The following KIAA1586 variants were observed in gnomAD, a reference collection of about 807,000 sequenced individuals.
KIAA1586 encodes the protein KIAA1586.
KIAA1586 carries 5 observed loss-of-function variants against 6.1 expected under a neutral mutation model. The observed-to-expected ratio is 0.82, with a 90% confidence interval of 0.43 to 1.73. The LOEUF (loss-of-function observed/expected upper bound fraction) is 1.73. KIAA1586 is among the 40% of genes most tolerant of loss of function. The pLI is 0.02. For missense variants in KIAA1586, 899 were observed against 878.2 expected (o/e 1.02, Z -0.30); for synonymous variants, 280 against 301.7 (o/e 0.93, Z 0.75).
Position 57,052,880 on chromosome 6 carries a change from AATAG to A in KIAA1586, c.385_388del (p.Asp129IlefsTer25). The A allele has an allele frequency of 1.2e-6, 2 of 1,613,008 alleles. No homozygotes were observed. Among genetic ancestry groups the A allele is most frequent in the Non-Finnish European group, 1.7e-6 (2 of 1,179,644 alleles). On this transcript the variant is annotated frameshift_variant, in exon 4 of 4. Transcript: ENST00000370733. LOFTEE classifies it low-confidence loss of function (END_TRUNC). ...AGCCATCACTTTCATCAAAGAAAGA[AATAG>A]ATAATCTTGTGCTTCCAGATTGTTG...
chr6:57,057,880 C>CT (rs1271744270), downstream of KIAA1586, among the ~76,000 whole-genome samples: 1 of 152,060 alleles, frequency 6.6e-6, no homozygotes, highest in Non-Finnish European at 1.5e-5. Flanking sequence ...ACTGCAACCT[C>CT]TGTTTCTAGG....
Position 57,053,216 on chromosome 6 carries a change from T to C in KIAA1586, c.717T>C (p.Asn239=). The change falls in exon 4 of 4, where the codon AAT becomes AAC. Residue 239 remains asparagine, a synonymous_variant. Coordinates refer to ENST00000370733, the MANE Select transcript of KIAA1586 (RefSeq NM_020931.4). Reference sequence around the variant, plus strand: ...TTTGTAATTTAGTGCATAAACAAAATAATAAAAATATTGATGCTACTGTAA... The same window carrying C: ...TTTGTAATTTAGTGCATAAACAAAACAATAAAAATATTGATGCTACTGTAA... ...DSICNLVHKQ[N]NKNIDATVKV... 6.3e-7 allele frequency: 1 copy of C among 1,598,912 alleles called. No homozygotes were observed.
the KIAA1586 span, among the ~76,000 whole-genome samples, chr6:57,065,804 C>T: frequency 1.3e-5 from 2 of 152,056 alleles, no homozygotes; most frequent in African/African-American, 4.8e-5. Context: ...TATGTAGTTT[C>T]TATATGATTT....
Position 57,053,542 on chromosome 6 carries a change from T to C in KIAA1586, c.1043T>C (p.Phe348Ser). 6.2e-7 allele frequency: 1 copy of C among 1,613,424 alleles called. No individual in the cohort carries two copies. The highest frequency in any genetic ancestry group is 2.2e-5 in the East Asian group (1 of 44,838). Reference protein sequence around the residue: ...IQSAPAPVMLFVALKELVSTI... With the variant: ...IQSAPAPVMLSVALKELVSTI... ...TCAGCTCCTGCACCTGTTATGTTAT[T>C]TGTGGCTTTAAAAGAATTGGTGTCA... is the stretch of plus-strand genomic sequence containing the variant. The change falls in exon 4 of 4, where the codon TTT (phenylalanine) becomes TCT (serine). Residue 348 changes from phenylalanine (F) to serine (S), a missense_variant. Physicochemically the swap from Phe to Ser is radical, Grantham distance 155. Transcript: ENST00000370733.
intron 2 of KIAA1586, among the ~76,000 whole-genome samples, chr6:57,048,028 G>A (rs1828227512): frequency 6.6e-6 from 1 of 150,740 alleles, no homozygotes; most frequent in East Asian, 1.9e-4. Flanking sequence ...GGGGGCCTAG[G>A]AATCTTCATT....
rs988550345 is a variant in KIAA1586, at chr6:57,054,717, G to A, written c.2218G>A (p.Gly740Arg). 7.7e-6 allele frequency: 12 copies of A among 1,551,336 alleles called. No homozygotes were observed. Among genetic ancestry groups the A allele is most frequent in the Admixed American group, 5.9e-5 (3 of 50,990 alleles). The change falls in exon 4 of 4, where the codon GGG becomes AGG. Residue 740 changes from glycine to arginine, a missense_variant. By Grantham distance (125) the Gly-to-Arg change is moderately radical. Coordinates refer to ENST00000370733, the MANE Select transcript of KIAA1586 (RefSeq NM_020931.4). ...VSDLMTINLL[G>R]KELADWDATP... is the part of the protein sequence containing the mutation. ...AGATTTAATGACAATAAATTTACTG[G>A]GGAAAGAATTAGCAGATTGGGATGC...
chr6:57,066,783 C>T, the KIAA1586 span, among the ~76,000 whole-genome samples: 5 of 152,130 alleles, frequency 3.3e-5, no homozygotes, highest in East Asian at 1.9e-4. Context: ...TAAGTGGCAC[C>T]TTACCTCCAT....
the KIAA1586 span, among the ~76,000 whole-genome samples, chr6:57,061,004 GTC>G: frequency 6.7e-6 from 1 of 148,576 alleles, no homozygotes; most frequent in Non-Finnish European, 1.5e-5. Flanking sequence ...TTGAAACAGA[GTC>G]TTCGCTCTGT....
Position 57,053,998 on chromosome 6 carries a change from C to G in KIAA1586, c.1499C>G (p.Pro500Arg), listed in dbSNP as rs1382619899. The part of the protein sequence containing the change: ...QAATAVWHAY[P>R]ILYMHFSHSY... ...GCTACTGCTGTATGGCATGCATATC[C>G]TATATTATATATGCATTTTTCTCAT... Residue 500 changes from proline (P) to arginine (R), a missense_variant, in exon 4 of 4, where the codon CCT becomes CGT. Physicochemically the swap from Pro to Arg is moderately radical, Grantham distance 103 (BLOSUM62 -2). Transcript: ENST00000370733. 6.2e-7 allele frequency: 1 copy of G among 1,606,178 alleles called. No individual in the cohort carries two copies. Among genetic ancestry groups the G allele is most frequent in the South Asian group, 1.1e-5 (1 of 89,592 alleles).
rs1368374492 is a variant in KIAA1586 at position 57,053,058 on chromosome 6, T to A, written c.559T>A (p.Tyr187Asn). 1 of 1,613,462 alleles carries A rather than the reference T, an allele frequency of 6.2e-7. No homozygotes were observed. The highest frequency in any genetic ancestry group is 1.1e-5 in the South Asian group (1 of 91,022). ...CCATGTGTCCAAGGAATGGATTGCA[T>A]ATTTAGTAACCCCTAATGGCAGTAA... ...HVHVSKEWIA[Y>N]LVTPNGSNKT... is the part of the protein sequence containing the mutation. Residue 187 changes from tyrosine (Y) to asparagine (N), a missense_variant, in exon 4 of 4, where the codon TAT becomes AAT. By Grantham distance (143) the Tyr-to-Asn change is moderately radical. Coordinates refer to ENST00000370733, the MANE Select transcript of KIAA1586 (RefSeq NM_020931.4).
intron 2 of KIAA1586, 149 bp from the exon 3 acceptor site, chr6:57,050,625 G>A (rs937655488): frequency 1.0e-5 from 6 of 592,830 alleles, no homozygotes; most frequent in South Asian, 3.9e-5. Context: ...CCCTTTGCCC[G>A]TTTTGTTTCT....
chr6:57,057,214 C>G (rs751357061), downstream of KIAA1586, among the ~76,000 whole-genome samples: 1 of 148,832 alleles, frequency 6.7e-6, no homozygotes, highest in Non-Finnish European at 1.5e-5. Flanking sequence ...GGCGACAGAG[C>G]GAGACTTTGT....
Position 57,050,644 on chromosome 6 carries a change from T to C in KIAA1586, c.106-130T>C, listed in dbSNP as rs1236872798. Reference sequence around the variant, plus strand: ...TTGCCCGTTTTGTTTCTAATTATTCTGTGCCACTTGCAAGATTTTCTCGAG... The same window carrying C: ...TTGCCCGTTTTGTTTCTAATTATTCCGTGCCACTTGCAAGATTTTCTCGAG... On this transcript the variant is annotated intron_variant, in intron 2 of 3. Transcript: ENST00000370733. 9.2e-6 allele frequency: 6 copies of C among 651,642 alleles called. No individual in the cohort carries two copies. In the East Asian group the frequency reaches 1.7e-4, roughly 18 times the overall value. 40.4% of individuals were successfully genotyped at this position (651,642 alleles called of 1,614,324 possible). A position where few individuals can be genotyped will look rare whatever the true frequency, so the allele number is the denominator to read the frequency against.
intron 3 of KIAA1586, among the ~76,000 whole-genome samples, chr6:57,051,315 G>A (rs1466736644): frequency 2.0e-5 from 3 of 151,054 alleles, no homozygotes; most frequent in South Asian, 2.1e-4. Context: ...ACAAATTAAA[G>A]TATATAAATG....
At chr6:57,050,332 T>A (rs76697058) in intron 2 of KIAA1586, among the ~76,000 whole-genome samples, 1 of 151,670 alleles carries the variant, frequency 6.6e-6, no homozygotes, top group African/African-American at 2.4e-5. Context: ...TTTTTTTTTT[T>A]AGACAGTGTC....
Position 57,055,107 on chromosome 6 carries a change from C to A in KIAA1586, c.*244C>A. ...CATGAAGTTCTGTACAGAACAAACA[C>A]CGTTTATAATTTTGTACTGTTTTAC... On this transcript the variant is annotated 3_prime_UTR_variant, in exon 4 of 4. Coordinates refer to ENST00000370733, the MANE Select transcript of KIAA1586 (RefSeq NM_020931.4). 3.6e-6 allele frequency: 1 copy of A among 275,064 alleles called. No homozygotes were observed. The highest frequency in any genetic ancestry group is 6.7e-6 in the Non-Finnish European group (1 of 148,904). 17.0% of individuals were successfully genotyped at this position (275,064 alleles called of 1,614,324 possible). A position where few individuals can be genotyped will look rare whatever the true frequency, so the allele number is the denominator to read the frequency against.
In KIAA1586 at chr6:57,050,761, A is replaced by G; in HGVS notation, c.106-13A>G. 6.3e-7 allele frequency: 1 copy of G among 1,590,830 alleles called. No homozygotes were observed. The highest frequency in any genetic ancestry group is 8.6e-7 in the Non-Finnish European group (1 of 1,162,134). On this transcript the variant is annotated splice_polypyrimidine_tract_variant and intron_variant, in intron 2 of 3. Transcript: ENST00000370733. ...TTGTTCATGACTTGTAAATTTGCCCACTTCCTTTTTAGGAAGGACCATCGA... is the reference window on the plus strand; with the variant it reads ...TTGTTCATGACTTGTAAATTTGCCCGCTTCCTTTTTAGGAAGGACCATCGA...
chr6:57,064,779 A>G, the KIAA1586 span, among the ~76,000 whole-genome samples: 1 of 152,216 alleles, frequency 6.6e-6, no homozygotes, highest in African/African-American at 2.4e-5. Flanking sequence ...TTTTGTGTGT[A>G]TATCCCTGTT....
rs1299089889 is a variant in KIAA1586, at chr6:57,054,286, ATAAAT to A, written c.1789_1793del (p.Lys597Ter). 3.8e-6 allele frequency: 6 copies of A among 1,579,980 alleles called. No homozygotes were observed. Among genetic ancestry groups the A allele is most frequent in the African/African-American group, 1.4e-5 (1 of 72,776 alleles). ...AAAGATATTCCATTTAATAAAAACA[ATAAAT>A]TTAATGCTCTTCCTAGGAGTATATT... is the stretch of plus-strand genomic sequence containing the variant. On this transcript the variant is annotated frameshift_variant, in exon 4 of 4. Transcript: ENST00000370733. LOFTEE classifies it low-confidence loss of function (END_TRUNC).
Sources: allele counts gnomAD v4.1 joint callset (sites outside exome capture counted in the v4.1 genomes callset), GRCh38; gene constraint gnomAD v4.1.1; transcripts MANE v1.5; gene names NCBI Gene and HGNC (gene_info 2026-07-23, HGNC 2026-07-21).